The following PTPRD variants were observed in gnomAD, a reference collection of about 807,000 sequenced individuals.
PTPRD encodes protein tyrosine phosphatase receptor type D, also known as receptor-type tyrosine-protein phosphatase delta.
PTPRD carries 34 observed loss-of-function variants against 214.5 expected under a neutral mutation model. That is an observed-to-expected ratio of 0.16 (90% CI 0.12 to 0.21). PTPRD has a LOEUF of 0.21. PTPRD is among the 10% of genes least tolerant of loss of function. The pLI is 1.00. For synonymous variants in PTPRD, 1,128 were observed against 845.7 expected (o/e 1.33, Z -5.79); for missense variants, 2,545 against 2,398.7 (o/e 1.06, Z -1.27).
intron 3 of PTPRD, among the ~76,000 whole-genome samples, chr9:10,299,721 G>A (rs559520118): frequency 2.0e-5 from 3 of 152,106 alleles, no homozygotes; most frequent in Non-Finnish European, 4.4e-5. Flanking sequence ...GGTTTTTATA[G>A]CTGGAAGCAG....
chr9:8,463,194 T>C (rs1252755556), intron 32 of PTPRD, among the ~76,000 whole-genome samples: 2 of 149,272 alleles, frequency 1.3e-5, no homozygotes, highest in East Asian at 2.0e-4. Context: ...ACTACTCTTC[T>C]CTCTCATTTT....
Position 8,972,011 on chromosome 9 carries a change from T to C in PTPRD, c.-104+46686A>G, listed in dbSNP as rs144937151. On this transcript the variant is annotated intron_variant, in intron 11 of 45. Coordinates refer to ENST00000381196, the MANE Select transcript of PTPRD (RefSeq NM_002839.4). ...TACTCTTATCACAAAATTTAAATTA[T>C]TTAAAATAGCATACAATTCTGTGGC... Among the ~76,000 whole-genome samples the C allele has an allele frequency of 4.7e-3, 713 of 151,886 alleles. 8 individuals carry two copies. The highest frequency in any genetic ancestry group is 0.016 in the African/African-American group (656 of 41,506).
intron 2 of PTPRD, among the ~76,000 whole-genome samples, chr9:10,552,393 T>G (rs1335411814): frequency 6.6e-6 from 1 of 152,174 alleles, no homozygotes; most frequent in Admixed American, 6.5e-5. Flanking sequence ...CACAGAGAAT[T>G]TCTTGAGTGC....
intron 10 of PTPRD, among the ~76,000 whole-genome samples, chr9:9,088,986 C>A (rs1039858949): frequency 6.6e-6 from 1 of 152,118 alleles, no homozygotes; most frequent in African/African-American, 2.4e-5. Flanking sequence ...TAAATATGAG[C>A]TATTTTGAAG....
chr9:10,174,501 T>C (rs1039696916), intron 3 of PTPRD, among the ~76,000 whole-genome samples: 2 of 152,150 alleles, frequency 1.3e-5, no homozygotes, highest in African/African-American at 4.8e-5. Context: ...AAAGAAACTT[T>C]TAAATTTATA....
intron 36 of PTPRD, among the ~76,000 whole-genome samples, chr9:8,394,062 G>T (rs755346106): frequency 6.6e-6 from 1 of 151,894 alleles, no homozygotes; most frequent in Non-Finnish European, 1.5e-5. Flanking sequence ...AATTAGGCAC[G>T]TTTTAGGCTC....
chr9:10,171,864 C>G (rs1242584377), intron 3 of PTPRD, among the ~76,000 whole-genome samples: 1 of 152,044 alleles, frequency 6.6e-6, no homozygotes, highest in Non-Finnish European at 1.5e-5. Context: ...ATTAATAACC[C>G]CCATCATGCT....
At chr9:9,433,028 G>A (rs1354491722) in intron 8 of PTPRD, among the ~76,000 whole-genome samples, 1 of 152,166 alleles carries the variant, frequency 6.6e-6, no homozygotes, top group African/African-American at 2.4e-5. Flanking sequence ...GTTTCCGAAT[G>A]CAAGCGTGTG....
At chr9:9,522,061 G>A (rs1250067198) in intron 8 of PTPRD, among the ~76,000 whole-genome samples, 2 of 151,030 alleles carry the variant, frequency 1.3e-5, no homozygotes, top group Non-Finnish European at 2.9e-5. Flanking sequence ...GGAGGCTGAG[G>A]CAGGAGAATC....
chr9:8,368,742 A>G (rs1283413975), intron 39 of PTPRD, among the ~76,000 whole-genome samples: 1 of 124,222 alleles, frequency 8.1e-6, no homozygotes, highest in Middle Eastern at 5.4e-3. Context: ...ATATTTTTCT[A>G]TCATAGGACT....
At chr9:9,424,863 A>G (rs1285777708) in intron 8 of PTPRD, among the ~76,000 whole-genome samples, 1 of 152,202 alleles carries the variant, frequency 6.6e-6, no homozygotes, top group Non-Finnish European at 1.5e-5. Context: ...ACTATGATGG[A>G]TTGGCTGCAA....
At chr9:10,221,604 A>C (rs1297592103) in intron 3 of PTPRD, among the ~76,000 whole-genome samples, 3 of 152,042 alleles carry the variant, frequency 2.0e-5, no homozygotes, top group African/African-American at 7.2e-5. Flanking sequence ...ATTAAAAATA[A>C]TACTACATAC....
At chr9:8,430,435 TA>T (rs1366163055) in intron 35 of PTPRD, among the ~76,000 whole-genome samples, 1 of 103,420 alleles carries the variant, frequency 9.7e-6, no homozygotes, top group East Asian at 4.1e-4. Context: ...CACGACAGGC[TA>T]ATTTTTTTTT....
At chr9:10,500,012 A>G (rs184213111) in intron 2 of PTPRD, among the ~76,000 whole-genome samples, 48 of 151,866 alleles carry the variant, frequency 3.2e-4, no homozygotes, top group Non-Finnish European at 5.8e-4. Context: ...CTGTCCCCAA[A>G]CCAAATATCT....
At chr9:10,025,622 C>T (rs962142290) in intron 4 of PTPRD, among the ~76,000 whole-genome samples, 4 of 152,212 alleles carry the variant, frequency 2.6e-5, no homozygotes, top group South Asian at 4.1e-4. Flanking sequence ...ATTTCAAATA[C>T]GATGCAAATT....
At position 9,646,880 on chromosome 9, in the gene PTPRD, C is replaced by G. The variant is rs533757140; in HGVS notation, c.-286-72099G>C. On this transcript the variant is annotated intron_variant, in intron 7 of 45. Transcript: ENST00000381196. ...TGTAGTACAATAATGTGGTCTTTCT[C>G]TCTCTCAGAACACCTTGTTGTACTA... Among the ~76,000 whole-genome samples the G allele has an allele frequency of 2.6e-3, 389 of 152,272 alleles. 2 individuals carry two copies. Among genetic ancestry groups the G allele is most frequent in the African/African-American group, 8.8e-3 (366 of 41,542 alleles).
At chr9:9,202,863 T>G (rs2099942679) in intron 9 of PTPRD, among the ~76,000 whole-genome samples, 1 of 152,194 alleles carries the variant, frequency 6.6e-6, no homozygotes, top group South Asian at 2.1e-4. Flanking sequence ...CTAACTGTTC[T>G]TTAGTCCGCC....
intron 11 of PTPRD, among the ~76,000 whole-genome samples, chr9:8,745,107 A>G (rs1207432909): frequency 6.6e-6 from 1 of 152,168 alleles, no homozygotes; most frequent in Admixed American, 6.5e-5. Context: ...CCCTCCTTCA[A>G]TGAAACCACA....
intron 2 of PTPRD, among the ~76,000 whole-genome samples, chr9:10,481,063 G>A (rs905843092): frequency 6.6e-6 from 1 of 150,448 alleles, no homozygotes; most frequent in African/African-American, 2.4e-5. Context: ...AGTTCTGTTT[G>A]TTATAGATGA....
Sources: allele counts gnomAD v4.1 joint callset (sites outside exome capture counted in the v4.1 genomes callset), GRCh38; gene constraint gnomAD v4.1.1; transcripts MANE v1.5; gene names NCBI Gene and HGNC (gene_info 2026-07-23, HGNC 2026-07-21).